The following ZDHHC14 variants were observed in gnomAD, a reference collection of about 807,000 sequenced individuals.
ZDHHC14 encodes zDHHC palmitoyltransferase 14.
In ZDHHC14, 16 loss-of-function variants were observed where a neutral mutation model predicts 47.7. The ratio of observed to expected loss-of-function variants is 0.34; its 90% confidence interval spans 0.23 to 0.51. The LOEUF (loss-of-function observed/expected upper bound fraction) is 0.51, where lower values mean the gene tolerates loss of function less well. Ranked by LOEUF, ZDHHC14 falls within the 20% of genes least tolerant of loss-of-function variation. ZDHHC14 has a pLI of 0.97. For missense variants in ZDHHC14, 515 were observed against 662.5 expected (o/e 0.78, Z 2.44); for synonymous variants, 293 against 278.9 (o/e 1.05, Z -0.50).
chr6:157,503,113 GA>G (rs1780226549), intron 1 of ZDHHC14, among the ~76,000 whole-genome samples: 1 of 152,208 alleles, frequency 6.6e-6, no homozygotes, highest in Non-Finnish European at 1.5e-5. Flanking sequence ...GGCACCCAGA[GA>G]TAGCAGGCTC....
At chr6:157,454,208 C>T (rs751880705) in intron 1 of ZDHHC14, among the ~76,000 whole-genome samples, 3 of 152,168 alleles carry the variant, frequency 2.0e-5, no homozygotes, top group Non-Finnish European at 2.9e-5. Flanking sequence ...GCACTTCCAT[C>T]ATCCAAAACA....
At chr6:157,562,513 G>A (rs1782749688) in intron 2 of ZDHHC14, among the ~76,000 whole-genome samples, 1 of 152,192 alleles carries the variant, frequency 6.6e-6, no homozygotes, top group Non-Finnish European at 1.5e-5. Flanking sequence ...CAGATTTGGG[G>A]TGGGGGCTCC....
intron 3 of ZDHHC14, 70 bp downstream of exon 3, chr6:157,593,216 T>C: frequency 6.6e-7 from 1 of 1,515,684 alleles, no homozygotes. Flanking sequence ...TCTCCAACCC[T>C]GCGCCACGGA....
chr6:157,637,009 AT>A (rs1777020952), intron 5 of ZDHHC14, among the ~76,000 whole-genome samples: 1 of 152,186 alleles, frequency 6.6e-6, no homozygotes, highest in Non-Finnish European at 1.5e-5. Flanking sequence ...ATTAAGAAGT[AT>A]TGCACAGATT....
At chr6:157,639,023 A>G (rs1777116823) in intron 5 of ZDHHC14, among the ~76,000 whole-genome samples, 1 of 152,212 alleles carries the variant, frequency 6.6e-6, no homozygotes, top group African/African-American at 2.4e-5. Context: ...CACGCACTCC[A>G]CATTGGGCAG....
At chr6:157,663,595 T>G (rs1198242580) in intron 8 of ZDHHC14, among the ~76,000 whole-genome samples, 1 of 152,236 alleles carries the variant, frequency 6.6e-6, no homozygotes, top group Non-Finnish European at 1.5e-5. Context: ...TTACCGGCCA[T>G]TCAGGCACCT....
At chr6:157,499,172 G>A (rs553157284) in intron 1 of ZDHHC14, among the ~76,000 whole-genome samples, 5 of 152,226 alleles carry the variant, frequency 3.3e-5, no homozygotes, top group South Asian at 2.1e-4. Context: ...TTGGTGTGTC[G>A]GCACTGCTGT....
At chr6:157,672,637 C>CCCCCCCGG in intron 8 of ZDHHC14, 87 bp from the exon 9 acceptor site, 4 of 313,444 alleles carry the variant, frequency 1.3e-5, no homozygotes, top group Non-Finnish European at 2.5e-5. Context: ...CCACCCTCCC[C>CCCCCCCGG]GCCCGTGCCC....
chr6:157,527,311 G>A (rs1420323405), intron 1 of ZDHHC14, among the ~76,000 whole-genome samples: 1 of 152,176 alleles, frequency 6.6e-6, no homozygotes, highest in East Asian at 1.9e-4. Context: ...TACTCTGAAG[G>A]AGAGGCTGCA....
intron 7 of ZDHHC14, among the ~76,000 whole-genome samples, chr6:157,648,481 ACTGGCATTGAGTTATTACTTTGAGTCACC>A (rs6149879): frequency 0.22 from 33,266 of 152,116 alleles, 4,569 homozygotes; most frequent in East Asian, 0.57. Context: ...CCATCTGTGC[ACTGGCATTGAGTTATTACTTTGAGTCACC>A]GTGGTGCTAC....
intron 1 of ZDHHC14, among the ~76,000 whole-genome samples, chr6:157,519,151 C>T (rs147292768): frequency 4.3e-4 from 66 of 152,242 alleles, no homozygotes; most frequent in African/African-American, 1.3e-3. Context: ...TCCTGATGTA[C>T]GAAGAATCCA....
chr6:157,577,217 G>A (rs1196587751), intron 2 of ZDHHC14, among the ~76,000 whole-genome samples: 3 of 152,150 alleles, frequency 2.0e-5, no homozygotes, highest in Non-Finnish European at 4.4e-5. Context: ...AGGCTGCATA[G>A]TATTCCATGG....
intron 1 of ZDHHC14, among the ~76,000 whole-genome samples, chr6:157,532,572 C>T (rs1781403099): frequency 6.6e-6 from 1 of 152,126 alleles, no homozygotes; most frequent in South Asian, 2.1e-4. Context: ...ATATGTGTGG[C>T]CTTGTCCTGT....
At chr6:157,482,418 TA>T (rs1779654332) in intron 1 of ZDHHC14, among the ~76,000 whole-genome samples, 1 of 151,618 alleles carries the variant, frequency 6.6e-6, no homozygotes, top group South Asian at 2.1e-4. Flanking sequence ...CATCCTTGGC[TA>T]ATTTTTTTTT....
intron 1 of ZDHHC14, among the ~76,000 whole-genome samples, chr6:157,517,815 T>C (rs1006760373): frequency 1.3e-5 from 2 of 152,210 alleles, no homozygotes; most frequent in Non-Finnish European, 2.9e-5. Flanking sequence ...CTGGCATTTG[T>C]TTTTCCTTTT....
intron 8 of ZDHHC14, among the ~76,000 whole-genome samples, chr6:157,660,193 T>TC (rs1459322081): frequency 2.0e-5 from 3 of 151,840 alleles, no homozygotes; most frequent in Admixed American, 6.5e-5. Flanking sequence ...TTTTTCTTTT[T>TC]TTTTTTTTTT....
intron 1 of ZDHHC14, among the ~76,000 whole-genome samples, chr6:157,504,820 GTTTT>G (rs1780285529): frequency 6.6e-6 from 1 of 151,958 alleles, no homozygotes; most frequent in South Asian, 2.1e-4. Flanking sequence ...GTTTTGTTTT[GTTTT>G]GTTTGAGATT....
intron 1 of ZDHHC14, among the ~76,000 whole-genome samples, chr6:157,472,284 G>A (rs1779374353): frequency 6.6e-6 from 1 of 152,122 alleles, no homozygotes; most frequent in South Asian, 2.1e-4. Context: ...GGAGACCTGG[G>A]GCCTTGAAAC....
chr6:157,538,709 A>C (rs1291320919), intron 1 of ZDHHC14, among the ~76,000 whole-genome samples: 2 of 152,162 alleles, frequency 1.3e-5, no homozygotes, highest in Admixed American at 6.5e-5. Flanking sequence ...CAGAGAAAGA[A>C]GCGATCCCTT....
Sources: gnomAD v4.1 joint callset for allele counts (sites outside exome capture counted in the v4.1 genomes callset) on GRCh38, gnomAD v4.1.1 for gene constraint, MANE v1.5 for transcripts, NCBI Gene and HGNC (gene_info 2026-07-23, HGNC 2026-07-21) for gene names.